Variants in PAM observed in about 807,000 individuals in gnomAD.
The protein encoded by PAM is peptidylglycine alpha-amidating monooxygenase.
Under a neutral mutation model 122.1 loss-of-function variants are expected in PAM, and 72 were observed. The ratio of observed to expected loss-of-function variants is 0.59; its 90% CI spans 0.49 to 0.72. The LOEUF (loss-of-function observed/expected upper bound fraction) is 0.72. Among genes scored for constraint, PAM ranks in the 30% least tolerant of loss-of-function variants. PAM has a pLI of 0.00. For synonymous variants in PAM, 389 were observed against 404.4 expected (o/e 0.96, Z 0.46); for missense variants, 1,106 against 1,183.7 (o/e 0.93, Z 0.96).
chr5:102,860,891 C>A (rs1166505883), intron 1 of PAM, among the ~76,000 whole-genome samples: 1 of 152,064 alleles, frequency 6.6e-6, no homozygotes, highest in Admixed American at 6.6e-5. Flanking sequence ...GATGGTCCTC[C>A]CCACCTAGCT....
At chr5:102,875,825 C>A (rs1487226255) in intron 3 of PAM, among the ~76,000 whole-genome samples, 1 of 152,176 alleles carries the variant, frequency 6.6e-6, no homozygotes, top group African/African-American at 2.4e-5. Flanking sequence ...CTAGAAGAGG[C>A]AGCCAGCCCA....
intron 17 of PAM, among the ~76,000 whole-genome samples, chr5:103,003,541 A>G (rs975412084): frequency 1.3e-5 from 2 of 151,928 alleles, no homozygotes; most frequent in Non-Finnish European, 2.9e-5. Flanking sequence ...TACATATGTC[A>G]TAACATCACA....
intron 5 of PAM, among the ~76,000 whole-genome samples, chr5:102,915,930 A>G (rs1802967503): frequency 6.6e-6 from 1 of 152,182 alleles, no homozygotes; most frequent in African/African-American, 2.4e-5. Flanking sequence ...TATAAGATAT[A>G]TTGACCAAAA....
intron 23 of PAM, among the ~76,000 whole-genome samples, chr5:103,022,477 G>C (rs1783840913): frequency 6.6e-6 from 1 of 152,090 alleles, no homozygotes; most frequent in Non-Finnish European, 1.5e-5. Flanking sequence ...CACTCACACA[G>C]GAATGTAGCT....
At chr5:103,018,909 G>A (rs1290451561) in intron 22 of PAM, among the ~76,000 whole-genome samples, 2 of 152,102 alleles carry the variant, frequency 1.3e-5, no homozygotes, top group African/African-American at 2.4e-5. Flanking sequence ...CAAGGAGCAC[G>A]CAACCTAGAT....
At chr5:102,776,183 GTTGT>G (rs1215744608) in intron 1 of PAM, among the ~76,000 whole-genome samples, 1 of 151,768 alleles carries the variant, frequency 6.6e-6, no homozygotes, top group African/African-American at 2.4e-5. Flanking sequence ...TTTTGATGGG[GTTGT>G]TTTTTTCTTG....
At chr5:102,974,542 A>T in intron 15 of PAM, 106 bp downstream of exon 15, 2 of 703,560 alleles carry the variant, frequency 2.8e-6, no homozygotes, top group Non-Finnish European at 4.7e-6. Flanking sequence ...TCATCAATGA[A>T]AAGGACTTAT....
intron 1 of PAM, among the ~76,000 whole-genome samples, chr5:102,761,143 G>T (rs558587232): frequency 6.6e-6 from 1 of 152,228 alleles, no homozygotes; most frequent in Admixed American, 6.5e-5. Context: ...AGAAAGGATG[G>T]AGGACAGGAA....
chr5:102,935,021 C>A (rs1190084590), intron 7 of PAM, among the ~76,000 whole-genome samples: 1 of 152,092 alleles, frequency 6.6e-6, no homozygotes, highest in Non-Finnish European at 1.5e-5. Flanking sequence ...ATCTTCTCTT[C>A]TGAACTTTAT....
At chr5:102,952,213 T>G (rs750600406) in intron 12 of PAM, among the ~76,000 whole-genome samples, 2 of 152,104 alleles carry the variant, frequency 1.3e-5, no homozygotes, top group Non-Finnish European at 2.9e-5. Context: ...CTTTACAGTT[T>G]GCAGCGGGGA....
At chr5:102,900,293 A>G (rs1797430225) in intron 3 of PAM, among the ~76,000 whole-genome samples, 1 of 150,208 alleles carries the variant, frequency 6.7e-6, no homozygotes, top group African/African-American at 2.5e-5. Context: ...CAAAATCAGC[A>G]CAAATCCTTA....
chr5:102,852,927 C>T (rs1781687499), intron 1 of PAM, among the ~76,000 whole-genome samples: 1 of 152,164 alleles, frequency 6.6e-6, no homozygotes, highest in African/African-American at 2.4e-5. Context: ...GTCCGTATTT[C>T]TCTAAGGAAA....
chr5:102,942,826 C>T (rs1755743030), intron 7 of PAM, among the ~76,000 whole-genome samples: 1 of 151,780 alleles, frequency 6.6e-6, no homozygotes, highest in Non-Finnish European at 1.5e-5. Context: ...CTGCCTCGGC[C>T]TTCCAAAGTG....
At chr5:102,775,090 A>G (rs893027832) in intron 1 of PAM, among the ~76,000 whole-genome samples, 50 of 152,068 alleles carry the variant, frequency 3.3e-4, no homozygotes, top group African/African-American at 1.2e-3. Flanking sequence ...TATTTTTTCC[A>G]TGGATTTTAC....
chr5:103,028,301 T>G, intron 25 of PAM, 63 bp downstream of exon 25: 1 of 1,147,366 alleles, frequency 8.7e-7, no homozygotes, highest in South Asian at 1.3e-5. Context: ...ACATGTCTTT[T>G]AAAAAGCAAG....
chr5:102,988,011 C>A (rs189719961), intron 15 of PAM, among the ~76,000 whole-genome samples: 50 of 152,274 alleles, frequency 3.3e-4, no homozygotes, highest in South Asian at 2.9e-3. Flanking sequence ...GACACCACAG[C>A]TACACACTAT....
At chr5:102,938,102 C>T (rs902218476) in intron 7 of PAM, among the ~76,000 whole-genome samples, 1 of 152,174 alleles carries the variant, frequency 6.6e-6, no homozygotes, top group East Asian at 1.9e-4. Context: ...GTGAGTCATG[C>T]GAATGATTTT....
chr5:102,885,491 T>C (rs1792761463), intron 3 of PAM, among the ~76,000 whole-genome samples: 1 of 151,994 alleles, frequency 6.6e-6, no homozygotes, highest in African/African-American at 2.4e-5. Flanking sequence ...ACACAGTAGA[T>C]GTAAGAAAGA....
chr5:102,812,090 C>G (rs144856784), intron 1 of PAM, among the ~76,000 whole-genome samples: 45 of 152,158 alleles, frequency 3.0e-4, no homozygotes, highest in African/African-American at 1.1e-3. Flanking sequence ...AATCTAGTAA[C>G]CCTGAGTTTT....
Sources: gnomAD v4.1 joint callset for allele counts (sites outside exome capture counted in the v4.1 genomes callset) on GRCh38, gnomAD v4.1.1 for gene constraint, MANE v1.5 for transcripts, NCBI Gene and HGNC (gene_info 2026-07-23, HGNC 2026-07-21) for gene names.